The following MTUS2 variants were observed in gnomAD, a reference collection of about 807,000 sequenced individuals.
The protein encoded by MTUS2 is microtubule associated scaffold protein 2, also known as microtubule-associated tumor suppressor candidate 2.
MTUS2 carries 40 observed loss-of-function variants against 114.1 expected under a neutral mutation model. The observed-to-expected ratio is 0.35, with a 90% CI of 0.27 to 0.46. The LOEUF (loss-of-function observed/expected upper bound fraction) is 0.46. MTUS2 is among the 20% of genes least tolerant of loss of function. The probability of loss-of-function intolerance (pLI) is 1.00; values close to 1 mark genes in which losing one functional copy is unlikely to be tolerated. For synonymous variants in MTUS2, 688 were observed against 672.0 expected, an observed-to-expected ratio of 1.02 and a Z score of -0.37; for missense variants, 1,679 against 1,705.4, an observed-to-expected ratio of 0.98 and a Z score of 0.27.
At chr13:29,334,622 C>T (rs962789030) in intron 7 of MTUS2, among the ~76,000 whole-genome samples, 2 of 152,172 alleles carry the variant, frequency 1.3e-5, no homozygotes, top group Non-Finnish European at 2.9e-5. Flanking sequence ...TTGTCTGTGG[C>T]TGCTACTAAC....
At chr13:29,158,600 A>G (rs570656036) in intron 5 of MTUS2, among the ~76,000 whole-genome samples, 1 of 152,108 alleles carries the variant, frequency 6.6e-6, no homozygotes, top group South Asian at 2.1e-4. Context: ...TGTCACCCTC[A>G]GAGAGACTGA....
At chr13:28,897,945 A>G (rs577269147) in intron 2 of MTUS2, among the ~76,000 whole-genome samples, 1 of 151,906 alleles carries the variant, frequency 6.6e-6, no homozygotes, top group Non-Finnish European at 1.5e-5. Flanking sequence ...GATATACCTA[A>G]TGTTAAATGA....
intron 5 of MTUS2, among the ~76,000 whole-genome samples, chr13:29,140,497 C>T (rs577172233): frequency 6.8e-4 from 103 of 152,256 alleles, no homozygotes; most frequent in South Asian, 2.3e-3. Context: ...TGCTAAATGC[C>T]GCAGTTATTT....
chr13:29,143,796 G>T (rs967236056), intron 5 of MTUS2, among the ~76,000 whole-genome samples: 1 of 152,134 alleles, frequency 6.6e-6, no homozygotes, highest in Non-Finnish European at 1.5e-5. Context: ...TAATCAAATG[G>T]TATGACCAGA....
Position 29,025,271 on chromosome 13 carries a change from T to G in MTUS2, c.573T>G (p.Thr191=), listed in dbSNP as rs1261505534. The change falls in exon 3 of 16, where the codon ACT becomes ACG. Residue 191 remains threonine (T), a synonymous_variant. Transcript: ENST00000612955. ...CTGTAGCTGCAGTCGGGAGCCTGAC[T>G]CCGCAGCATCCACAGCCTCTATCCC... ...SSSVAAVGSL[T]PQHPQPLSLD... The G allele has an allele frequency of 6.2e-7, 1 of 1,613,874 alleles. No individual in the cohort carries two copies. Among genetic ancestry groups the G allele is most frequent in the Non-Finnish European group, 8.5e-7 (1 of 1,179,864 alleles).
chr13:29,389,354 T>C lies in MTUS2; in HGVS notation c.3117+29881T>C, dbSNP rs1340754231. On this transcript the variant is annotated intron_variant, in intron 8 of 15. Transcript: ENST00000612955. ...GTATATATGTATGCACGTGTGTGTA[T>C]ATATGTATGCACGTGTGTGTATATA... 2.1e-4 allele frequency among the ~76,000 whole-genome samples: 18 copies of C among 85,276 alleles called. 2 individuals are homozygous for C. The highest frequency in any genetic ancestry group is 9.0e-4 in the African/African-American group (18 of 20,016). The allele number at this position is 85,276 out of a possible 152,430, so 55.9% of individuals were successfully genotyped here. A position where few individuals can be genotyped will look rare whatever the true frequency, so the allele number is the denominator to read the frequency against.
At chr13:29,058,360 C>T (rs755109047) in intron 4 of MTUS2, among the ~76,000 whole-genome samples, 1 of 151,896 alleles carries the variant, frequency 6.6e-6, no homozygotes, top group Non-Finnish European at 1.5e-5. Flanking sequence ...GGGTGATATC[C>T]TCAAATATGT....
At chr13:29,003,041 G>T (rs769211499) in intron 2 of MTUS2, among the ~76,000 whole-genome samples, 7 of 152,128 alleles carry the variant, frequency 4.6e-5, no homozygotes, top group Non-Finnish European at 8.8e-5. Flanking sequence ...ACAACTAAAA[G>T]TACAGTTAAA....
intron 5 of MTUS2, among the ~76,000 whole-genome samples, chr13:29,102,081 G>A (rs1593477763): frequency 6.6e-6 from 1 of 152,282 alleles, no homozygotes; most frequent in East Asian, 1.9e-4. Context: ...ATACATTTAA[G>A]GAATATCACT....
chr13:29,159,783 CAAT>C (rs1893017378), intron 5 of MTUS2, among the ~76,000 whole-genome samples: 1 of 152,120 alleles, frequency 6.6e-6, no homozygotes, highest in African/African-American at 2.4e-5. Context: ...ATTAAAACAA[CAAT>C]GTGATGTCAC....
chr13:29,208,860 A>G (rs1895302699), intron 5 of MTUS2, among the ~76,000 whole-genome samples: 1 of 152,252 alleles, frequency 6.6e-6, no homozygotes, highest in Non-Finnish European at 1.5e-5. Flanking sequence ...CATGTACTCT[A>G]TCTTGGAGAA....
intron 5 of MTUS2, among the ~76,000 whole-genome samples, chr13:29,161,109 A>G (rs1169284194): frequency 1.3e-5 from 2 of 152,226 alleles, no homozygotes; most frequent in Non-Finnish European, 2.9e-5. Context: ...GTGGTGGCAG[A>G]TGCCTGAAAC....
intron 2 of MTUS2, among the ~76,000 whole-genome samples, chr13:28,849,144 ATTTG>A (rs796151566): frequency 3.9e-5 from 6 of 152,330 alleles, no homozygotes; most frequent in African/African-American, 1.2e-4. Flanking sequence ...ATTCATATGT[ATTTG>A]TTTGTTAAAT....
intron 4 of MTUS2, among the ~76,000 whole-genome samples, chr13:29,097,809 G>T (rs1469428851): frequency 6.6e-6 from 1 of 152,044 alleles, no homozygotes; most frequent in Non-Finnish European, 1.5e-5. Flanking sequence ...CCTCCTAAAG[G>T]TCCCACCTCT....
intron 5 of MTUS2, among the ~76,000 whole-genome samples, chr13:29,113,308 A>G (rs907676608): frequency 6.6e-6 from 1 of 152,190 alleles, no homozygotes; most frequent in Non-Finnish European, 1.5e-5. Flanking sequence ...AAGGGACTCC[A>G]TGGAGCACAG....
intron 4 of MTUS2, among the ~76,000 whole-genome samples, chr13:29,061,680 C>T (rs1888427656): frequency 6.6e-6 from 1 of 152,212 alleles, no homozygotes; most frequent in East Asian, 1.9e-4. Flanking sequence ...GAAACTTCCT[C>T]TAGGCAGAGA....
At chr13:29,224,670 C>A (rs1896037292) in intron 5 of MTUS2, among the ~76,000 whole-genome samples, 1 of 152,048 alleles carries the variant, frequency 6.6e-6, no homozygotes. Context: ...AAATTTAATT[C>A]TTTTGTGATA....
chr13:29,336,236 T>C (rs1901056258), intron 7 of MTUS2, among the ~76,000 whole-genome samples: 1 of 152,210 alleles, frequency 6.6e-6, no homozygotes, highest in Non-Finnish European at 1.5e-5. Flanking sequence ...GTTTTTGGAA[T>C]TTTCAGCCTT....
At chr13:29,087,160 G>C (rs542285993) in intron 4 of MTUS2, among the ~76,000 whole-genome samples, 1 of 152,166 alleles carries the variant, frequency 6.6e-6, no homozygotes, top group Admixed American at 6.5e-5. Flanking sequence ...TGGTGAGAGT[G>C]GACATCCTTA....
Sources: allele counts gnomAD v4.1 joint callset (sites outside exome capture counted in the v4.1 genomes callset), GRCh38; gene constraint gnomAD v4.1.1; transcripts MANE v1.5; gene names NCBI Gene and HGNC (gene_info 2026-07-23, HGNC 2026-07-21).